TRAPPC11: variants seen among roughly 807,000 people sequenced by gnomAD.
TRAPPC11 encodes foie gras homolog.
Under a neutral mutation model 151.2 loss-of-function variants are expected in TRAPPC11, and 104 were observed. That is an observed-to-expected ratio of 0.69 (90% CI 0.59 to 0.81). TRAPPC11 has a LOEUF of 0.81. Ranked by LOEUF, TRAPPC11 falls within the 30% of genes least tolerant of loss-of-function variation. TRAPPC11 has a pLI of 0.00. For missense variants in TRAPPC11, 1,230 were observed against 1,349.6 expected (o/e 0.91, Z 1.39); for synonymous variants, 456 against 472.3 (o/e 0.97, Z 0.45).
At chr4:183,673,135 T>C (rs921876941) in intron 5 of TRAPPC11, among the ~76,000 whole-genome samples, 2 of 151,912 alleles carry the variant, frequency 1.3e-5, no homozygotes, top group African/African-American at 4.8e-5. Flanking sequence ...GCCAATTTTT[T>C]GTATTTTTAT....
chr4:183,682,934 A>T, intron 11 of TRAPPC11, 109 bp downstream of exon 11: 1 of 743,530 alleles, frequency 1.3e-6, no homozygotes, highest in East Asian at 2.6e-5. Flanking sequence ...TGAAGTAAAA[A>T]TGTGTGCTTT....
intron 1 of TRAPPC11, among the ~76,000 whole-genome samples, chr4:183,660,019 A>G (rs1026205967): frequency 6.6e-6 from 1 of 152,192 alleles, no homozygotes; most frequent in African/African-American, 2.4e-5. Flanking sequence ...TCTCCCATCC[A>G]TTATTCACCT....
At chr4:183,660,659 A>G (rs1351551050) in intron 1 of TRAPPC11, among the ~76,000 whole-genome samples, 3 of 152,204 alleles carry the variant, frequency 2.0e-5, no homozygotes, top group Non-Finnish European at 2.9e-5. Context: ...AATGGCCTCT[A>G]GTCTAGACTC....
chr4:183,686,725 C>G lies in TRAPPC11; in HGVS notation c.1870C>G (p.Leu624Val). The change falls in exon 18 of 30, where the codon CTC (leucine) becomes GTC (valine). Residue 624 changes from leucine to valine, a missense_variant. Coordinates refer to ENST00000334690, the MANE Select transcript of TRAPPC11 (RefSeq NM_021942.6). ...TCCACATCCCATTAGGTTTTCCAAG[C>G]TCTGTGTCAGCTTTAATAATCAGGT... Reference protein sequence around the residue: ...DCPHPIRFSKLCVSFNNQEYN... With the variant: ...DCPHPIRFSKVCVSFNNQEYN... 1 of 1,614,050 alleles carries G rather than the reference C, an allele frequency of 6.2e-7. No homozygotes were observed. Among genetic ancestry groups the G allele is most frequent in the Middle Eastern group, 1.6e-4 (1 of 6,062 alleles).
chr4:183,686,670 T>G lies in TRAPPC11; in HGVS notation c.1815T>G (p.Val605=). The change falls in exon 18 of 30, where the codon GTT becomes GTG. Residue 605 remains valine (V), a synonymous_variant. Transcript: ENST00000334690. ...CAAGTTTTCATGTTGATGTTCCTGT[T>G]CAGTTTGATATTTATCTGAAGGCTG... ...HAPSFHVDVP[V]QFDIYLKADC... is the part of the protein sequence containing the mutation. 6.2e-7 allele frequency: 1 copy of G among 1,614,162 alleles called. No individual in the cohort carries two copies. Among genetic ancestry groups the G allele is most frequent in the Non-Finnish European group, 8.5e-7 (1 of 1,180,002 alleles).
At chr4:183,673,425 A>G (rs905418716) in intron 5 of TRAPPC11, among the ~76,000 whole-genome samples, 14 of 152,232 alleles carry the variant, frequency 9.2e-5, no homozygotes, top group African/African-American at 3.1e-4. Flanking sequence ...TGTAATCCCA[A>G]TACTTTGGGA....
At chr4:183,684,651 C>T (rs1735871300) in intron 14 of TRAPPC11, 45 bp from the exon 15 acceptor site, 3 of 1,600,166 alleles carry the variant, frequency 1.9e-6, no homozygotes, top group Non-Finnish European at 2.6e-6. Context: ...TCTTCGAACC[C>T]TTTCTTGTGA....
chr4:183,706,422 C>T (rs578179689), intron 27 of TRAPPC11, among the ~76,000 whole-genome samples: 1 of 151,756 alleles, frequency 6.6e-6, no homozygotes, highest in Non-Finnish European at 1.5e-5. Context: ...ACTTGGGAGG[C>T]TGAAGCAGGA....
intron 5 of TRAPPC11, among the ~76,000 whole-genome samples, chr4:183,671,089 C>G (rs1041027170): frequency 2.0e-5 from 3 of 152,166 alleles, no homozygotes; most frequent in Admixed American, 1.3e-4. Context: ...TGGTCTCGAA[C>G]TCCTGACCTT....
chr4:183,709,009 CA>C (rs1737213667), intron 29 of TRAPPC11, among the ~76,000 whole-genome samples: 3 of 149,940 alleles, frequency 2.0e-5, no homozygotes, highest in Admixed American at 2.0e-4. Flanking sequence ...TTTTTAATTA[CA>C]CAATTTCCAG....
rs773398857 is a variant in TRAPPC11, at chr4:183,693,105, A to G, written c.2195A>G (p.Asn732Ser). The stretch of plus-strand genomic sequence containing the variant: ...AAAAGGCGACCTAAGCTACCTGACA[A>G]TGAAGTTCACTGGGACAGCATTATA... ...SFKRRPKLPD[N>S]EVHWDSIIIQ... is the part of the protein sequence containing the mutation. Residue 732 changes from asparagine to serine, a missense_variant, in exon 20 of 30, where the codon AAT (asparagine) becomes AGT (serine). Asn to Ser is a conservative substitution (Grantham distance 46). Coordinates refer to ENST00000334690, the MANE Select transcript of TRAPPC11 (RefSeq NM_021942.6). The G allele has an allele frequency of 3.1e-6, 5 of 1,612,314 alleles. No individual in the cohort carries two copies. The highest frequency in any genetic ancestry group is 1.3e-5 in the African/African-American group (1 of 75,000).
intron 3 of TRAPPC11, chr4:183,666,753 G>T (rs571830879): frequency 1.2e-4 from 48 of 387,156 alleles, no homozygotes; most frequent in Admixed American, 6.6e-4. Context: ...TAATTCTTTT[G>T]GATGACTACT....
Position 183,684,051 on chromosome 4 carries a change from C to T in TRAPPC11, c.1284C>T (p.His428=). 3 of 1,613,686 alleles carry T rather than the reference C, an allele frequency of 1.9e-6. No individual in the cohort carries two copies. The highest frequency in any genetic ancestry group is 2.5e-6 in the Non-Finnish European group (3 of 1,179,682). ...AIQLKERNVV[H]SEIIITLLSN... is the part of the protein sequence containing the mutation. ...AGCTGAAGGAGAGAAATGTTGTTCA[C>T]TCTGTAAGTTTTGTGTCCAATATAA... Residue 428 remains histidine, a synonymous_variant, in exon 12 of 30, where the codon CAC becomes CAT. Transcript: ENST00000334690.
chr4:183,700,924 T>G (rs1736770300), intron 25 of TRAPPC11: 1 of 152,248 alleles, frequency 6.6e-6, no homozygotes, highest in South Asian at 2.1e-4. Context: ...CATGGCTCAC[T>G]GCAGCCTCAG....
chr4:183,706,286 G>A (rs1467822133), intron 27 of TRAPPC11, among the ~76,000 whole-genome samples: 1 of 152,226 alleles, frequency 6.6e-6, no homozygotes, highest in Non-Finnish European at 1.5e-5. Context: ...CACTTTGGGA[G>A]GCCAAGGTGG....
At chr4:183,687,822 ATG>A (rs1356725770) in intron 18 of TRAPPC11, among the ~76,000 whole-genome samples, 1 of 152,216 alleles carries the variant, frequency 6.6e-6, no homozygotes, top group Non-Finnish European at 1.5e-5. Context: ...TGAAAAGTAA[ATG>A]TGTGTCTTCT....
intron 1 of TRAPPC11, among the ~76,000 whole-genome samples, chr4:183,661,243 C>T (rs994195008): frequency 3.3e-5 from 5 of 151,898 alleles, no homozygotes; most frequent in Non-Finnish European, 7.4e-5. Context: ...CTAAATTAAC[C>T]TTTCAGTTGA....
At position 183,685,134 on chromosome 4, in the gene TRAPPC11, A is replaced by C; in HGVS notation, c.1618A>C (p.Asn540His). 1.2e-6 allele frequency: 2 copies of C among 1,613,910 alleles called. No individual in the cohort carries two copies. The highest frequency in any genetic ancestry group is 1.3e-5 in the African/African-American group (1 of 75,042). ...GTCTCGGATAGAAAAGAACCTCATA[A>C]ATGTTTTAATGGTAGGTTGGAATTG... ...QKSRIEKNLI[N>H]VLMNESPDPE... The change falls in exon 16 of 30, where the codon AAT becomes CAT. Residue 540 changes from asparagine (N) to histidine (H), a missense_variant. Transcript: ENST00000334690.
chr4:183,694,177 C>T, intron 22 of TRAPPC11, 139 bp downstream of exon 22: 1 of 900,374 alleles, frequency 1.1e-6, no homozygotes, highest in Non-Finnish European at 1.7e-6. Flanking sequence ...ACATTTCATA[C>T]ACATTTTACA....
Sources: allele counts gnomAD v4.1 joint callset (sites outside exome capture counted in the v4.1 genomes callset), GRCh38; gene constraint gnomAD v4.1.1; transcripts MANE v1.5; gene names NCBI Gene and HGNC (gene_info 2026-07-23, HGNC 2026-07-21).